CHCHD3: variants seen among roughly 807,000 people sequenced by gnomAD.
CHCHD3 encodes coiled-coil-helix-coiled-coil-helix domain containing 3.
A neutral mutation model predicts 38.2 loss-of-function variants in CHCHD3; 20 were observed. That is an observed-to-expected ratio of 0.52 (90% CI 0.37 to 0.76). The LOEUF is 0.76. Among genes scored for constraint, CHCHD3 ranks in the 30% least tolerant of loss-of-function variants. CHCHD3 has a pLI of 0.00. For missense variants in CHCHD3, 245 were observed against 279.2 expected (o/e 0.88, Z 0.87); for synonymous variants, 82 against 100.0 (o/e 0.82, Z 1.07).
intron 5 of CHCHD3, among the ~76,000 whole-genome samples, chr7:132,877,987 G>A (rs1048754051): frequency 6.6e-6 from 1 of 151,898 alleles, no homozygotes; most frequent in African/African-American, 2.4e-5. Context: ...ATTGGCAACT[G>A]TTTAGAAAGC....
chr7:133,033,338 G>A (rs1584659161), intron 2 of CHCHD3, among the ~76,000 whole-genome samples: 1 of 152,204 alleles, frequency 6.6e-6, no homozygotes. Flanking sequence ...GAGGGCACAG[G>A]ACAATTCTTG....
At chr7:132,798,390 C>T (rs1806675851) in intron 6 of CHCHD3, among the ~76,000 whole-genome samples, 1 of 152,102 alleles carries the variant, frequency 6.6e-6, no homozygotes, top group Non-Finnish European at 1.5e-5. Context: ...TTTCCCTAAT[C>T]CTTTACCACG....
chr7:132,817,497 C>A (rs1296554117), intron 6 of CHCHD3, among the ~76,000 whole-genome samples: 1 of 152,116 alleles, frequency 6.6e-6, no homozygotes, highest in African/African-American at 2.4e-5. Flanking sequence ...CTAGGTGCCA[C>A]TTTCCAGAAG....
intron 3 of CHCHD3, among the ~76,000 whole-genome samples, chr7:133,000,392 T>C (rs1812536535): frequency 6.6e-6 from 1 of 152,192 alleles, no homozygotes; most frequent in South Asian, 2.1e-4. Context: ...AGAACATTTT[T>C]ACCGAGCACA....
rs1554377232 is a variant in CHCHD3 at position 132,860,322 on chromosome 7, G to GAGAT, written c.454-21854_454-21853insATCT. Among the ~76,000 whole-genome samples, 1,037 of 149,976 alleles carry GAGAT rather than the reference G, an allele frequency of 6.9e-3. 11 individuals carry two copies. The highest frequency in any genetic ancestry group is 0.024 in the African/African-American group (961 of 40,864). ...ATAGATAGAGAGAGAGAGAAAGAGA[G>GAGAT]AGAGAGAGAGAGAACACAATCCCAC... On this transcript the variant is annotated intron_variant, in intron 5 of 7. Transcript: ENST00000262570.
At chr7:133,045,616 A>G (rs1340936126) in intron 2 of CHCHD3, among the ~76,000 whole-genome samples, 6 of 152,240 alleles carry the variant, frequency 3.9e-5, no homozygotes, top group African/African-American at 7.2e-5. Flanking sequence ...GGTTCTAACC[A>G]TTTTAAATTA....
intron 4 of CHCHD3, among the ~76,000 whole-genome samples, chr7:132,928,542 C>T (rs1368519903): frequency 6.6e-6 from 1 of 151,876 alleles, no homozygotes; most frequent in Non-Finnish European, 1.5e-5. Context: ...ACTAAATATA[C>T]AAAAATTAGC....
chr7:132,793,147 A>G (rs1197713785), intron 7 of CHCHD3, among the ~76,000 whole-genome samples: 1 of 152,162 alleles, frequency 6.6e-6, no homozygotes, highest in Non-Finnish European at 1.5e-5. Flanking sequence ...GTGCATAAGC[A>G]TGCCTGTTCA....
intron 4 of CHCHD3, among the ~76,000 whole-genome samples, chr7:132,962,452 AG>A (rs1210726335): frequency 1.3e-5 from 2 of 152,246 alleles, no homozygotes; most frequent in East Asian, 3.8e-4. Context: ...CATAAAGAAA[AG>A]GAAGCAATTT....
At chr7:133,008,565 C>T (rs1812769087) in intron 3 of CHCHD3, among the ~76,000 whole-genome samples, 1 of 151,946 alleles carries the variant, frequency 6.6e-6, no homozygotes, top group South Asian at 2.1e-4. Flanking sequence ...TCTTACAATG[C>T]ATAAGAATAT....
intron 2 of CHCHD3, among the ~76,000 whole-genome samples, chr7:133,046,944 G>T (rs1814009348): frequency 6.6e-6 from 1 of 152,196 alleles, no homozygotes; most frequent in Admixed American, 6.5e-5. Flanking sequence ...AGCAGGTTAA[G>T]AACCTTTAAT....
chr7:132,955,216 T>TGTGTGTGTGTGTGTGTGTGTG, intron 4 of CHCHD3, among the ~76,000 whole-genome samples: 1 of 16,796 alleles, frequency 6.0e-5, no homozygotes, highest in Non-Finnish European at 1.7e-4. Context: ...GTGTGTGTGT[T>TGTGTGTGTGTGTGTGTGTGTG]GCGGGGTGGG....
intron 3 of CHCHD3, among the ~76,000 whole-genome samples, chr7:133,008,048 G>T (rs995185514): frequency 3.3e-5 from 5 of 152,168 alleles, no homozygotes; most frequent in African/African-American, 1.2e-4. Flanking sequence ...AATGAAGTAA[G>T]AAAATTGATT....
intron 6 of CHCHD3, among the ~76,000 whole-genome samples, chr7:132,804,428 G>A (rs1806862985): frequency 6.6e-6 from 1 of 152,098 alleles, no homozygotes; most frequent in Non-Finnish European, 1.5e-5. Flanking sequence ...AATTTTATAT[G>A]CTCATTCTCA....
chr7:132,933,712 T>C (rs1810569435), intron 4 of CHCHD3, among the ~76,000 whole-genome samples: 1 of 152,142 alleles, frequency 6.6e-6, no homozygotes, highest in South Asian at 2.1e-4. Flanking sequence ...TGATAGTACA[T>C]AACAGAAAAC....
intron 5 of CHCHD3, among the ~76,000 whole-genome samples, chr7:132,856,469 G>A (rs755976207): frequency 3.3e-5 from 5 of 152,148 alleles, no homozygotes; most frequent in Non-Finnish European, 7.3e-5. Flanking sequence ...AAATGGAATC[G>A]GGGTGAATAA....
intron 5 of CHCHD3, among the ~76,000 whole-genome samples, chr7:132,873,559 G>A (rs1051764657): frequency 1.3e-4 from 20 of 151,884 alleles, no homozygotes; most frequent in African/African-American, 3.6e-4. Flanking sequence ...GACTACAGGC[G>A]GGTGCCAATG....
intron 4 of CHCHD3, among the ~76,000 whole-genome samples, chr7:132,971,852 A>G (rs1465716899): frequency 6.6e-6 from 1 of 152,236 alleles, no homozygotes; most frequent in African/African-American, 2.4e-5. Flanking sequence ...AGAATTAAGA[A>G]TGGCAGCAAT....
intron 6 of CHCHD3, among the ~76,000 whole-genome samples, chr7:132,807,644 T>C (rs1032046605): frequency 2.3e-4 from 28 of 120,288 alleles, no homozygotes; most frequent in South Asian, 5.7e-4. Flanking sequence ...TATATATATA[T>C]ACTTGACATA....
Sources: allele counts gnomAD v4.1 joint callset (sites outside exome capture counted in the v4.1 genomes callset), GRCh38; gene constraint gnomAD v4.1.1; transcripts MANE v1.5; gene names NCBI Gene and HGNC (gene_info 2026-07-23, HGNC 2026-07-21).